Variants in GLIS3 observed in about 807,000 individuals in gnomAD.
GLIS3 encodes the protein GLIS family zinc finger 3, also known as zinc finger protein GLIS3.
A neutral mutation model predicts 78.6 loss-of-function variants in GLIS3; 53 were observed. That is an observed-to-expected ratio of 0.67 (90% CI 0.54 to 0.85). The LOEUF (loss-of-function observed/expected upper bound fraction) is 0.85, where lower values mean the gene tolerates loss of function less well. Ranked by LOEUF, GLIS3 falls within the 40% of genes least tolerant of loss-of-function variation. The pLI, the probability that GLIS3 is intolerant of heterozygous loss-of-function variation, is 0.00. For missense variants in GLIS3, 1,703 were observed against 1,231.1 expected (o/e 1.38, Z -5.74); for synonymous variants, 684 against 509.9 (o/e 1.34, Z -4.60).
intron 2 of GLIS3, among the ~76,000 whole-genome samples, chr9:4,344,113 C>G (rs929958847): frequency 5.3e-5 from 8 of 152,186 alleles, no homozygotes; most frequent in Non-Finnish European, 1.2e-4. Context: ...AATTCCATTT[C>G]CTACCTTAAC....
intron 2 of GLIS3, among the ~76,000 whole-genome samples, chr9:4,316,682 G>A (rs986151673): frequency 4.6e-5 from 7 of 152,154 alleles, no homozygotes; most frequent in Non-Finnish European, 7.4e-5. Flanking sequence ...GAGATGGGAC[G>A]GCAGCCTGCC....
At chr9:3,983,882 A>G (rs568067646) in intron 4 of GLIS3, among the ~76,000 whole-genome samples, 4 of 152,356 alleles carry the variant, frequency 2.6e-5, no homozygotes, top group African/African-American at 9.6e-5. Context: ...AGAAAAGAAA[A>G]TCCCATTTTC....
rs543477742 is a variant in GLIS3 at position 4,011,614 on chromosome 9, G to A, written c.1711-74425C>T. Among the ~76,000 whole-genome samples the A allele has an allele frequency of 1.6e-3, 251 of 152,280 alleles. 1 individual carries two copies. The highest frequency in any genetic ancestry group is 2.8e-3 in the Non-Finnish European group (189 of 68,030). On this transcript the variant is annotated intron_variant, in intron 4 of 10. Transcript: ENST00000381971. ...CAGCCCATCTACCTGCTGAATAGTG[G>A]CGAACTGCCCTGGACCTTCCGTCTC...
chr9:4,343,716 C>T (rs751957114), intron 2 of GLIS3, among the ~76,000 whole-genome samples: 32 of 152,278 alleles, frequency 2.1e-4, no homozygotes, highest in Non-Finnish European at 2.9e-4. Context: ...ATACACACCA[C>T]GGAATACTAT....
In GLIS3 at chr9:4,175,491, T is replaced by C. The variant is rs540074594; in HGVS notation, c.389-49550A>G. 2.7e-5 allele frequency among the ~76,000 whole-genome samples: 3 copies of C among 109,866 alleles called. No individual in the cohort carries two copies. The East Asian group carries it at 6.7e-4, about 25-fold the overall frequency. The allele number at this position is 109,866 out of a possible 152,430, so 72.1% of individuals were successfully genotyped here. On this transcript the variant is annotated intron_variant, in intron 2 of 10. Coordinates refer to ENST00000381971, the MANE Select transcript of GLIS3 (RefSeq NM_001042413.2). ...TCCAGCTACTGAACACAAATAACTTTAACTTTTATATATCCTTTGAGACAC... is the reference window on the plus strand; with the variant it reads ...TCCAGCTACTGAACACAAATAACTTCAACTTTTATATATCCTTTGAGACAC...
Position 4,281,393 on chromosome 9 carries a change from C to T in GLIS3, c.388+4645G>A, listed in dbSNP as rs540896968. Among the ~76,000 whole-genome samples the T allele has an allele frequency of 1.2e-3, 177 of 152,108 alleles. 5 individuals are homozygous for T. In the South Asian group the frequency reaches 0.034, roughly 29 times the overall value. ...CCATTACCCATCTCCAAAACTTTTC[C>T]ATCCTCACCAACTGAAGCTCTGTAC... On this transcript the variant is annotated intron_variant, in intron 2 of 10. Transcript: ENST00000381971.
rs574608619 is a variant in GLIS3 at position 4,347,674 on chromosome 9, A to C, written n.162-491T>G. Among the ~76,000 whole-genome samples, 8 of 152,330 alleles carry C rather than the reference A, an allele frequency of 5.3e-5. No individual in the cohort carries two copies. The East Asian group carries it at 1.5e-3, about 29-fold the overall frequency. ...AATCCAGAGTGAACTAAAATCAGGGAAAGTAATAAACCTCACATGGTAGCT... is the reference window on the plus strand; with the variant it reads ...AATCCAGAGTGAACTAAAATCAGGGCAAGTAATAAACCTCACATGGTAGCT... On this transcript the variant is annotated intron_variant and non_coding_transcript_variant, in intron 1 of 4. Transcript: ENST00000471664.
At chr9:4,398,260 G>T in the GLIS3 span, among the ~76,000 whole-genome samples, 1 of 151,806 alleles carries the variant, frequency 6.6e-6, no homozygotes, top group East Asian at 1.9e-4. Context: ...AGCATAAGTG[G>T]TTATTTTCTA....
intron 8 of GLIS3, among the ~76,000 whole-genome samples, chr9:3,858,926 A>G (rs897542265): frequency 6.6e-6 from 1 of 152,236 alleles, no homozygotes; most frequent in African/African-American, 2.4e-5. Flanking sequence ...ACATAGTACC[A>G]TACTTAAAAT....
the GLIS3 span, among the ~76,000 whole-genome samples, chr9:4,483,189 T>C: frequency 0.52 from 79,254 of 151,160 alleles, 20,973 homozygotes; most frequent in East Asian, 0.75. Flanking sequence ...CTTCATATAC[T>C]ATATCTTGCT....
chr9:4,479,521 T>C, the GLIS3 span, among the ~76,000 whole-genome samples: 2 of 152,190 alleles, frequency 1.3e-5, no homozygotes, highest in African/African-American at 4.8e-5. Context: ...GTCTGTACAT[T>C]GGGCCAGTTC....
chr9:4,029,693 C>G (rs187016339), intron 4 of GLIS3, among the ~76,000 whole-genome samples: 57 of 151,900 alleles, frequency 3.8e-4, no homozygotes, highest in Non-Finnish European at 6.8e-4. Context: ...ACAAATAAGT[C>G]AGAACATGTG....
the GLIS3 span, among the ~76,000 whole-genome samples, chr9:4,390,960 G>T: frequency 6.6e-6 from 1 of 152,142 alleles, no homozygotes; most frequent in African/African-American, 2.4e-5. Context: ...CCACATTGGG[G>T]CCTTTGAGAA....
At chr9:4,133,999 G>A (rs1184996470) in intron 2 of GLIS3, among the ~76,000 whole-genome samples, 1 of 152,122 alleles carries the variant, frequency 6.6e-6, no homozygotes, top group Non-Finnish European at 1.5e-5. Flanking sequence ...TAAGGTGTCA[G>A]GGACTAGCAA....
chr9:4,102,617 C>T (rs1830456862), intron 4 of GLIS3, among the ~76,000 whole-genome samples: 1 of 152,076 alleles, frequency 6.6e-6, no homozygotes, highest in South Asian at 2.1e-4. Flanking sequence ...CAACAAAAAC[C>T]CAGTCCAAAT....
intron 2 of GLIS3, among the ~76,000 whole-genome samples, chr9:4,331,378 T>A (rs1031391777): frequency 8.9e-6 from 1 of 112,966 alleles, no homozygotes; most frequent in East Asian, 2.4e-4. Flanking sequence ...TCTTAACTAA[T>A]TCCATCTAGA....
intron 4 of GLIS3, among the ~76,000 whole-genome samples, chr9:4,102,319 G>A (rs1020278541): frequency 6.6e-6 from 1 of 152,138 alleles, no homozygotes; most frequent in Admixed American, 6.5e-5. Context: ...TGTGAGGCTG[G>A]GGAAGCGGCT....
Position 3,828,096 on chromosome 9 carries a change from G to T in GLIS3, c.*176C>A. ...AGAGAGAAAAAGGAGCAACTGTAATGATTCCTGCAAAGCTAGCTCTGCCAT... is the reference window on the plus strand; with the variant it reads ...AGAGAGAAAAAGGAGCAACTGTAATTATTCCTGCAAAGCTAGCTCTGCCAT... On this transcript the variant is annotated 3_prime_UTR_variant, in exon 11 of 11. Coordinates refer to ENST00000381971, the MANE Select transcript of GLIS3 (RefSeq NM_001042413.2). 1 of 694,324 alleles carries T rather than the reference G, an allele frequency of 1.4e-6. No homozygotes were observed. Among genetic ancestry groups the T allele is most frequent in the Non-Finnish European group, 2.5e-6 (1 of 402,878 alleles). The allele number at this position is 694,324 out of a possible 1,614,324, so 43.0% of individuals were successfully genotyped here. A position where few individuals can be genotyped will look rare whatever the true frequency, so the allele number is the denominator to read the frequency against.
chr9:4,462,049 G>A, the GLIS3 span, among the ~76,000 whole-genome samples: 3 of 152,148 alleles, frequency 2.0e-5, no homozygotes, highest in Admixed American at 6.5e-5. Flanking sequence ...AAGAGTACAC[G>A]AAGTGAGTTG....
Sources: allele counts gnomAD v4.1 joint callset (sites outside exome capture counted in the v4.1 genomes callset), GRCh38; gene constraint gnomAD v4.1.1; transcripts MANE v1.5; gene names NCBI Gene and HGNC (gene_info 2026-07-23, HGNC 2026-07-21).